Variants in TESMIN observed in about 807,000 individuals in gnomAD.
TESMIN encodes CXC domain containing 2.
TESMIN carries 34 observed loss-of-function variants against 47.4 expected under a neutral mutation model. The observed-to-expected ratio is 0.72, with a 90% CI of 0.55 to 0.96. The LOEUF (loss-of-function observed/expected upper bound fraction) is 0.96, where lower values mean the gene tolerates loss of function less well. Among genes scored for constraint, TESMIN ranks in the 40% least tolerant of loss-of-function variants. TESMIN has a pLI of 0.00. For synonymous variants in TESMIN, 278 were observed against 258.9 expected, an observed-to-expected ratio of 1.07 and a Z score of -0.71; for missense variants, 610 against 637.2, an observed-to-expected ratio of 0.96 and a Z score of 0.46.
At chr11:68,750,734 G>T in intron 1 of TESMIN, 35 bp from the exon 2 acceptor site, 1 of 1,147,680 alleles carries the variant, frequency 8.7e-7, no homozygotes, top group Non-Finnish European at 1.2e-6. Context: ...GCAGCCAGAG[G>T]AGAGGACGAG....
chr11:68,729,564 C>T (rs2153991577), intron 6 of TESMIN, among the ~76,000 whole-genome samples: 1 of 151,492 alleles, frequency 6.6e-6, no homozygotes, highest in Middle Eastern at 3.5e-3. Context: ...TCATGGATGG[C>T]TTTGTGGGGT....
At chr11:68,745,257 T>C in intron 3 of TESMIN, 146 bp from the exon 4 acceptor site, 1 of 680,248 alleles carries the variant, frequency 1.5e-6, no homozygotes, top group Non-Finnish European at 2.3e-6. Context: ...CTGTTTTCGA[T>C]TTCTTACTCT....
chr11:68,740,396 T>C (rs946049314), intron 5 of TESMIN, among the ~76,000 whole-genome samples: 4 of 151,872 alleles, frequency 2.6e-5, no homozygotes, highest in African/African-American at 9.7e-5. Context: ...GGGGCCAAAA[T>C]GGGGACGATA....
chr11:68,743,772 T>C (rs1340844066), intron 4 of TESMIN, among the ~76,000 whole-genome samples: 1 of 152,192 alleles, frequency 6.6e-6, no homozygotes, highest in African/African-American at 2.4e-5. Context: ...CCTCCAGGCC[T>C]AGGCATCCTT....
chr11:68,735,238 G>A (rs1015628155), intron 6 of TESMIN, among the ~76,000 whole-genome samples: 2 of 152,164 alleles, frequency 1.3e-5, no homozygotes, highest in African/African-American at 4.8e-5. Context: ...CCTGTTCAGA[G>A]GGGGGGCTCT....
chr11:68,746,170 TACACAC>T (rs56975910), intron 3 of TESMIN, among the ~76,000 whole-genome samples: 6 of 149,496 alleles, frequency 4.0e-5, no homozygotes, highest in Admixed American at 1.3e-4. Context: ...AAGTTATAGC[TACACAC>T]ACACACACAC....
At chr11:68,715,148 A>G (rs952183638) in intron 7 of TESMIN, among the ~76,000 whole-genome samples, 2 of 152,214 alleles carry the variant, frequency 1.3e-5, no homozygotes, top group African/African-American at 4.8e-5. Context: ...TCTACAGTCA[A>G]TGGCTCTCAA....
chr11:68,745,709 A>G lies in TESMIN; in HGVS notation c.631-598T>C, dbSNP rs192762388. On this transcript the variant is annotated intron_variant, in intron 3 of 9. Transcript: ENST00000255087. ...AGAAAGGTTAGTCCAAGAACTATAA[A>G]GTTCTAAGAAGCCACACTGATCTGC... 4.6e-5 allele frequency among the ~76,000 whole-genome samples: 7 copies of G among 152,358 alleles called. No individual in the cohort carries two copies. In the East Asian group the frequency reaches 1.3e-3, roughly 29 times the overall value.
chr11:68,708,096 C>T lies in TESMIN; in HGVS notation c.*212G>A. 1.8e-6 allele frequency: 1 copy of T among 561,418 alleles called. No homozygotes were observed. Among genetic ancestry groups the T allele is most frequent in the Non-Finnish European group, 3.2e-6 (1 of 314,640 alleles). The allele number at this position is 561,418 out of a possible 1,614,324, so 34.8% of individuals were successfully genotyped here. A position where few individuals can be genotyped will look rare whatever the true frequency, so the allele number is the denominator to read the frequency against. ...GGGAACCCAAGCTCTCTCCTCTGGG[C>T]CAGACAAACAATGCTCAGGCCATGC... is the stretch of plus-strand genomic sequence containing the variant. On this transcript the variant is annotated 3_prime_UTR_variant, in exon 10 of 10. Coordinates refer to ENST00000255087, the MANE Select transcript of TESMIN (RefSeq NM_004923.3).
At chr11:68,747,451 G>A in intron 2 of TESMIN, 85 bp from the exon 3 acceptor site, 1 of 1,210,616 alleles carries the variant, frequency 8.3e-7, no homozygotes, top group Non-Finnish European at 1.2e-6. Flanking sequence ...TGAAATCTCA[G>A]TGATAAGTAG....
At chr11:68,738,671 A>C in intron 6 of TESMIN, 29 bp downstream of exon 6, 1 of 1,612,686 alleles carries the variant, frequency 6.2e-7, no homozygotes, top group Non-Finnish European at 8.5e-7. Flanking sequence ...ATTACATTAG[A>C]GTGACAATGT....
chr11:68,705,222 C>T (rs1294871837), downstream of TESMIN, among the ~76,000 whole-genome samples: 1 of 152,260 alleles, frequency 6.6e-6, no homozygotes, highest in Non-Finnish European at 1.5e-5. Context: ...TCGTCTTCTG[C>T]GCCCCCTCCT....
In TESMIN at chr11:68,710,947, T is replaced by G. The variant is rs766493830; in HGVS notation, c.1261A>C (p.Thr421Pro). Residue 421 changes from threonine to proline, a missense_variant, in exon 9 of 10, where the codon ACT (threonine) becomes CCT (proline). Coordinates refer to ENST00000255087, the MANE Select transcript of TESMIN (RefSeq NM_004923.3). ...TLMSMPNYMQ[T>P]GGLEGSHYLP... Reference sequence around the variant, plus strand: ...TAATGGCTGCCTTCCAAACCTCCAGTCTGCATGTAGTTTGGCATGCTCATT... The same window carrying G: ...TAATGGCTGCCTTCCAAACCTCCAGGCTGCATGTAGTTTGGCATGCTCATT... 2 of 1,614,078 alleles carry G rather than the reference T, an allele frequency of 1.2e-6. No individual in the cohort carries two copies. The highest frequency in any genetic ancestry group is 1.7e-6 in the Non-Finnish European group (2 of 1,179,968).
At position 68,750,686 on chromosome 11, in the gene TESMIN, C is replaced by A. The variant is rs768621305; in HGVS notation, c.-26G>T. On this transcript the variant is annotated 5_prime_UTR_variant, in exon 2 of 10. Coordinates refer to ENST00000255087, the MANE Select transcript of TESMIN (RefSeq NM_004923.3). Reference sequence around the variant, plus strand: ...GGCGCAGGGCGGCGGGGCGGGATGGCGGGGGCCGCGCACCTGCAACACGCG... The same window carrying A: ...GGCGCAGGGCGGCGGGGCGGGATGGAGGGGGCCGCGCACCTGCAACACGCG... The A allele has an allele frequency of 7.1e-7, 1 of 1,410,918 alleles. No homozygotes were observed. Among genetic ancestry groups the A allele is most frequent in the East Asian group, 2.7e-5 (1 of 36,444 alleles). 87.4% of individuals were successfully genotyped at this position (1,410,918 alleles called of 1,614,324 possible).
rs1323508473 is a variant in TESMIN at position 68,708,032 on chromosome 11, C to G, written c.*276G>C. The G allele has an allele frequency of 4.3e-6, 2 of 461,690 alleles. No homozygotes were observed. Among genetic ancestry groups the G allele is most frequent in the Admixed American group, 3.3e-5 (1 of 30,030 alleles). 28.6% of individuals were successfully genotyped at this position (461,690 alleles called of 1,614,324 possible). ...CTGCTGTGCCCTCCCCTGCCCTGCT[C>G]TGCCCTCCGCCGCCCTGCAGACACT... On this transcript the variant is annotated 3_prime_UTR_variant, in exon 10 of 10. Coordinates refer to ENST00000255087, the MANE Select transcript of TESMIN (RefSeq NM_004923.3).
downstream of TESMIN, among the ~76,000 whole-genome samples, chr11:68,706,849 G>A (rs1314068121): frequency 6.6e-6 from 1 of 152,166 alleles, no homozygotes; most frequent in African/African-American, 2.4e-5. Flanking sequence ...TCTTGCTGTT[G>A]GCAGTGTTGC....
intron 6 of TESMIN, among the ~76,000 whole-genome samples, chr11:68,718,550 T>C (rs568071991): frequency 3.9e-5 from 6 of 152,138 alleles, no homozygotes; most frequent in Non-Finnish European, 8.8e-5. Flanking sequence ...ATACTGAATA[T>C]TAAGAATGAA....
intron 6 of TESMIN, among the ~76,000 whole-genome samples, chr11:68,724,400 G>A (rs1594290917): frequency 1.3e-5 from 2 of 152,172 alleles, no homozygotes; most frequent in East Asian, 3.8e-4. Flanking sequence ...AACCTGAGAA[G>A]GGCACGTAGC....
Position 68,721,719 on chromosome 11 carries a change from G to A in TESMIN, c.918-5780C>T, listed in dbSNP as rs1395451819. ...TCCTTCATTGTCACCACCCCTGCCC[G>A]GGTTCAGGTCTGTGCTGCTGCAGTG... On this transcript the variant is annotated intron_variant, in intron 6 of 9. Transcript: ENST00000255087. Among the ~76,000 whole-genome samples, 5 of 152,170 alleles carry A rather than the reference G, an allele frequency of 3.3e-5. No homozygotes were observed. The South Asian group carries it at 8.3e-4, about 25-fold the overall frequency.
Sources: allele counts gnomAD v4.1 joint callset (sites outside exome capture counted in the v4.1 genomes callset), GRCh38; gene constraint gnomAD v4.1.1; transcripts MANE v1.5; gene names NCBI Gene and HGNC (gene_info 2026-07-23, HGNC 2026-07-21).